KLF12: variants seen among roughly 807,000 people sequenced by gnomAD.
KLF12 encodes the protein Krueppel-like factor 12.
A neutral mutation model predicts 37.8 loss-of-function variants in KLF12; 9 were observed. The observed-to-expected ratio is 0.24, with a 90% CI of 0.14 to 0.42. The LOEUF is 0.42. Among genes scored for constraint, KLF12 ranks in the 10% least tolerant of loss-of-function variants. The pLI is 1.00. For missense variants in KLF12, 411 were observed against 516.0 expected, an observed-to-expected ratio of 0.80 and a Z score of 1.97; for synonymous variants, 208 against 202.1, an observed-to-expected ratio of 1.03 and a Z score of -0.25.
At chr13:74,227,330 G>T in the KLF12 span, among the ~76,000 whole-genome samples, 1 of 152,112 alleles carries the variant, frequency 6.6e-6, no homozygotes, top group Non-Finnish European at 1.5e-5. Context: ...TGCCTTCAAT[G>T]AGTGTGTTTG....
At chr13:73,795,768 G>T (rs985803146) in intron 5 of KLF12, among the ~76,000 whole-genome samples, 4 of 152,068 alleles carry the variant, frequency 2.6e-5, no homozygotes, top group African/African-American at 9.7e-5. Flanking sequence ...AAAGCTCCTT[G>T]TTTTCTACTC....
intron 2 of KLF12, among the ~76,000 whole-genome samples, chr13:73,951,078 G>C (rs975855602): frequency 1.2e-4 from 18 of 152,200 alleles, no homozygotes; most frequent in African/African-American, 4.3e-4. Context: ...CGATCAAGAA[G>C]TACATTTGCA....
chr13:74,097,092 A>G (rs1876025767), intron 1 of KLF12, among the ~76,000 whole-genome samples: 2 of 152,208 alleles, frequency 1.3e-5, no homozygotes, highest in Admixed American at 1.3e-4. Context: ...CAGTATATGA[A>G]TACAATTTAA....
At chr13:73,935,675 T>C (rs1889896874) in intron 3 of KLF12, among the ~76,000 whole-genome samples, 2 of 152,210 alleles carry the variant, frequency 1.3e-5, no homozygotes. Context: ...TTGCTCAGGC[T>C]GGCGTGCAGT....
At chr13:73,822,722 A>G (rs1937581917) in intron 4 of KLF12, among the ~76,000 whole-genome samples, 1 of 152,190 alleles carries the variant, frequency 6.6e-6, no homozygotes, top group Non-Finnish European at 1.5e-5. Flanking sequence ...TTGTTTCCTG[A>G]AAGTACGTCT....
At chr13:73,817,459 C>T (rs1267522793) in intron 4 of KLF12, among the ~76,000 whole-genome samples, 1 of 151,948 alleles carries the variant, frequency 6.6e-6, no homozygotes, top group Non-Finnish European at 1.5e-5. Context: ...ATTCTCCCAG[C>T]TCCTTCTAGA....
At chr13:73,969,529 C>A (rs1471530124) in intron 2 of KLF12, among the ~76,000 whole-genome samples, 1 of 152,168 alleles carries the variant, frequency 6.6e-6, no homozygotes, top group East Asian at 1.9e-4. Context: ...AGTGACAGAA[C>A]TCCTTAACAT....
intron 5 of KLF12, among the ~76,000 whole-genome samples, chr13:73,805,660 GGAAGGAAGGA>G (rs1882555884): frequency 4.1e-4 from 21 of 50,702 alleles, no homozygotes; most frequent in African/African-American, 2.1e-3. Flanking sequence ...GAGGAAGGAA[GGAAGGAAGGA>G]AGGAAGGAAG....
the KLF12 span, among the ~76,000 whole-genome samples, chr13:74,140,360 CAAAAATAAAA>C: frequency 6.6e-6 from 1 of 151,556 alleles, no homozygotes; most frequent in African/African-American, 2.4e-5. Context: ...CTGTCTCTAC[CAAAAATAAAA>C]AAAAATAAGC....
At chr13:74,176,806 C>T in the KLF12 span, among the ~76,000 whole-genome samples, 2 of 152,164 alleles carry the variant, frequency 1.3e-5, no homozygotes, top group Admixed American at 6.5e-5. Context: ...TTTTTTCTCT[C>T]TCCCAACTGC....
intron 2 of KLF12, among the ~76,000 whole-genome samples, chr13:73,951,384 A>G (rs1160442509): frequency 6.6e-6 from 1 of 152,198 alleles, no homozygotes; most frequent in African/African-American, 2.4e-5. Context: ...GAAAATTATT[A>G]AAGTTTGGAG....
chr13:73,948,208 G>C (rs1310631311), intron 2 of KLF12, among the ~76,000 whole-genome samples: 3 of 151,822 alleles, frequency 2.0e-5, no homozygotes, highest in African/African-American at 7.3e-5. Context: ...AAGTTGGTTG[G>C]GACACTTTCA....
At chr13:74,113,227 T>C (rs1280955036) in intron 1 of KLF12, among the ~76,000 whole-genome samples, 2 of 152,254 alleles carry the variant, frequency 1.3e-5, no homozygotes, top group African/African-American at 4.8e-5. Flanking sequence ...TGCAACAAGT[T>C]ATCCGGAAGA....
upstream of KLF12, among the ~76,000 whole-genome samples, chr13:74,135,033 CCGCGGGCGGTGCCCCCCGCGCGCCGGTGG>C (rs1462601754): frequency 6.6e-6 from 1 of 151,558 alleles, no homozygotes; most frequent in African/African-American, 2.4e-5. Context: ...AGGGGCAGCC[CCGCGGGCGGTGCCCCCCGCGCGCCGGTGG>C]GGCGGGCGGA....
At chr13:74,154,611 T>C in the KLF12 span, among the ~76,000 whole-genome samples, 67,232 of 151,906 alleles carry the variant, frequency 0.44, 15,766 homozygotes, top group East Asian at 0.79. Context: ...AAGCAAAGGG[T>C]GGGCAAGTGT....
At chr13:74,202,177 C>T in the KLF12 span, among the ~76,000 whole-genome samples, 4 of 152,086 alleles carry the variant, frequency 2.6e-5, no homozygotes, top group Non-Finnish European at 5.9e-5. Flanking sequence ...AAAAGCAACC[C>T]CTTTAATAAC....
chr13:73,853,437 C>T (rs1265440408), intron 3 of KLF12, among the ~76,000 whole-genome samples: 1 of 152,088 alleles, frequency 6.6e-6, no homozygotes, highest in African/African-American at 2.4e-5. Flanking sequence ...GAATTTTGTT[C>T]ATGCATTCTA....
At chr13:74,156,861 C>A in the KLF12 span, among the ~76,000 whole-genome samples, 1 of 152,032 alleles carries the variant, frequency 6.6e-6, no homozygotes, top group East Asian at 1.9e-4. Flanking sequence ...ACCACGTTTT[C>A]TTTATCTGTT....
intron 1 of KLF12, among the ~76,000 whole-genome samples, chr13:74,131,994 A>C (rs1286381300): frequency 2.0e-5 from 3 of 152,132 alleles, no homozygotes; most frequent in African/African-American, 7.2e-5. Flanking sequence ...TATTTCCACT[A>C]TGCTTCTACA....
Sources: gnomAD v4.1 joint callset for allele counts (sites outside exome capture counted in the v4.1 genomes callset) on GRCh38, gnomAD v4.1.1 for gene constraint, MANE v1.5 for transcripts, NCBI Gene and HGNC (gene_info 2026-07-23, HGNC 2026-07-21) for gene names.